Variants in ITGA8 observed in about 807,000 individuals in gnomAD.
ITGA8 encodes integrin subunit alpha 8.
In ITGA8, 91 loss-of-function variants were observed where a neutral mutation model predicts 142.3. The ratio of observed to expected loss-of-function variants is 0.64; its 90% CI spans 0.54 to 0.76. ITGA8 has a LOEUF of 0.76. Ranked by LOEUF, ITGA8 falls within the 30% of genes least tolerant of loss-of-function variation. The probability of loss-of-function intolerance (pLI) is 0.00; values close to 1 mark genes in which losing one functional copy is unlikely to be tolerated. For missense variants in ITGA8, 1,406 were observed against 1,327.7 expected, an observed-to-expected ratio of 1.06 and a Z score of -0.92; for synonymous variants, 505 against 485.2, an observed-to-expected ratio of 1.04 and a Z score of -0.54.
At chr10:15,555,281 A>G (rs900977552) in intron 26 of ITGA8, among the ~76,000 whole-genome samples, 4 of 152,238 alleles carry the variant, frequency 2.6e-5, no homozygotes, top group Admixed American at 2.0e-4. Context: ...TTAAGAACAC[A>G]TAGAAGGGCA....
At chr10:15,616,749 A>G (rs1833400419) in intron 13 of ITGA8, among the ~76,000 whole-genome samples, 190 bp from the exon 14 acceptor site, 1 of 152,098 alleles carries the variant, frequency 6.6e-6, no homozygotes, top group Admixed American at 6.5e-5. Flanking sequence ...AACCAACTTA[A>G]TAAAACGTCC....
At position 15,517,043 on chromosome 10, in the gene ITGA8, C is replaced by CA; in HGVS notation, c.*114dup. The CA allele has an allele frequency of 2.2e-5, 12 of 551,528 alleles. No homozygotes were observed. Among genetic ancestry groups the CA allele is most frequent in the South Asian group, 1.1e-4 (3 of 27,304 alleles). The allele number at this position is 551,528 out of a possible 1,614,324, so 34.2% of individuals were successfully genotyped here. On this transcript the variant is annotated 3_prime_UTR_variant, in exon 30 of 30. Transcript: ENST00000378076. ...GAGGTGATGTTTCCAGGGTCCCCTC[C>CA]ATTTCCTGGGTCACTGTCAGGTATC...
intron 23 of ITGA8, among the ~76,000 whole-genome samples, chr10:15,584,783 T>G (rs1257497147): frequency 6.6e-6 from 1 of 152,316 alleles, no homozygotes; most frequent in South Asian, 2.1e-4. Flanking sequence ...CCGAGCATGG[T>G]GGCTAAGGCC....
intron 8 of ITGA8, among the ~76,000 whole-genome samples, chr10:15,665,143 G>T (rs1320582695): frequency 6.6e-6 from 1 of 152,198 alleles, no homozygotes; most frequent in African/African-American, 2.4e-5. Flanking sequence ...CAGTGTGAAA[G>T]TGTTCCTATT....
intron 28 of ITGA8, among the ~76,000 whole-genome samples, chr10:15,524,135 C>T (rs376672324): frequency 6.6e-6 from 1 of 152,300 alleles, no homozygotes; most frequent in East Asian, 1.9e-4. Context: ...ACCTGTAGGA[C>T]ATCCATATGG....
chr10:15,657,510 A>T (rs35347354), intron 10 of ITGA8, among the ~76,000 whole-genome samples: 67,191 of 131,908 alleles, frequency 0.51, 17,575 homozygotes, highest in South Asian at 0.68. Flanking sequence ...CTTTTCTTTC[A>T]TTTTTTTTTT....
At chr10:15,662,187 A>G (rs562446303) in intron 8 of ITGA8, among the ~76,000 whole-genome samples, 34 of 152,284 alleles carry the variant, frequency 2.2e-4, no homozygotes, top group African/African-American at 7.5e-4. Context: ...TAATTTTTTA[A>G]TAAGTGATCA....
chr10:15,680,547 C>G (rs1370676609), intron 4 of ITGA8, among the ~76,000 whole-genome samples: 1 of 151,886 alleles, frequency 6.6e-6, no homozygotes, highest in African/African-American at 2.4e-5. Flanking sequence ...TTATATGCAT[C>G]CAGAAGTATA....
At chr10:15,626,074 ATAAGAT>A (rs966406952) in intron 13 of ITGA8, among the ~76,000 whole-genome samples, 3 of 152,198 alleles carry the variant, frequency 2.0e-5, no homozygotes, top group African/African-American at 7.2e-5. Context: ...CATTTGCATG[ATAAGAT>A]TAGGGTGGGG....
chr10:15,675,635 C>T (rs182819576), intron 6 of ITGA8, among the ~76,000 whole-genome samples: 35 of 152,298 alleles, frequency 2.3e-4, no homozygotes, highest in Middle Eastern at 3.4e-3. Flanking sequence ...TTTTCTGTAA[C>T]GCAGCCAGAA....
rs35060475 is a variant in ITGA8, at chr10:15,688,302, C to CAAA, written c.344-267_344-265dup. On this transcript the variant is annotated intron_variant, in intron 2 of 29. Coordinates refer to ENST00000378076, the MANE Select transcript of ITGA8 (RefSeq NM_003638.3). ...AAACCCTGTCTCTACCAAAAAATAC[C>CAAA]AAAAAAAAAAAAAAAAAAAAATGCT... is the stretch of plus-strand genomic sequence containing the variant. Among the ~76,000 whole-genome samples, 682 of 112,752 alleles carry CAAA rather than the reference C, an allele frequency of 6.0e-3. 6 individuals are homozygous for CAAA. Among genetic ancestry groups the CAAA allele is most frequent in the Middle Eastern group, 0.02 (4 of 200 alleles). 74.0% of individuals were successfully genotyped at this position (112,752 alleles called of 152,430 possible). A position where few individuals can be genotyped will look rare whatever the true frequency, so the allele number is the denominator to read the frequency against.
At chr10:15,553,891 G>T (rs1000189639) in intron 26 of ITGA8, among the ~76,000 whole-genome samples, 4 of 152,050 alleles carry the variant, frequency 2.6e-5, no homozygotes, top group African/African-American at 9.7e-5. Flanking sequence ...TACTCAGGAG[G>T]CTGAGGCAGG....
intron 25 of ITGA8, among the ~76,000 whole-genome samples, chr10:15,566,939 C>G (rs1431077256): frequency 2.0e-5 from 3 of 146,840 alleles, no homozygotes; most frequent in Non-Finnish European, 4.5e-5. Flanking sequence ...GGGCAGATCA[C>G]CTGAGGTCAA....
At chr10:15,556,523 G>A (rs1029350425) in intron 26 of ITGA8, among the ~76,000 whole-genome samples, 3 of 152,038 alleles carry the variant, frequency 2.0e-5, no homozygotes, top group Non-Finnish European at 4.4e-5. Context: ...CCCCAAGCAC[G>A]GAATGTTTGT....
intron 9 of ITGA8, among the ~76,000 whole-genome samples, chr10:15,660,259 T>C (rs1269662663): frequency 1.3e-5 from 2 of 152,100 alleles, no homozygotes; most frequent in Non-Finnish European, 2.9e-5. Context: ...TCACCCTTGG[T>C]TTAATGGTCT....
At chr10:15,594,417 G>T (rs929893061) in intron 21 of ITGA8, among the ~76,000 whole-genome samples, 1 of 152,116 alleles carries the variant, frequency 6.6e-6, no homozygotes, top group African/African-American at 2.4e-5. Context: ...ATTGAGTGAA[G>T]GTTGTATGTT....
intron 13 of ITGA8, among the ~76,000 whole-genome samples, chr10:15,618,591 G>A (rs1224148213): frequency 6.6e-6 from 1 of 152,136 alleles, no homozygotes; most frequent in East Asian, 1.9e-4. Context: ...TCAGTGGACT[G>A]GGAAAGGCCG....
At chr10:15,630,429 G>A (rs1361388138) in intron 13 of ITGA8, among the ~76,000 whole-genome samples, 2 of 151,960 alleles carry the variant, frequency 1.3e-5, no homozygotes, top group African/African-American at 2.4e-5. Flanking sequence ...AGTGAGTAAC[G>A]CCAAATCCAC....
intron 20 of ITGA8, among the ~76,000 whole-genome samples, chr10:15,602,242 G>A (rs1009602679): frequency 6.6e-6 from 1 of 152,172 alleles, no homozygotes; most frequent in African/African-American, 2.4e-5. Context: ...GTTTGTTTAT[G>A]CGTTATCTGC....
Sources: allele counts gnomAD v4.1 joint callset (sites outside exome capture counted in the v4.1 genomes callset), GRCh38; gene constraint gnomAD v4.1.1; transcripts MANE v1.5; gene names NCBI Gene and HGNC (gene_info 2026-07-23, HGNC 2026-07-21).